The following ACACB variants were observed in gnomAD, a reference collection of about 807,000 sequenced individuals.
ACACB encodes acetyl-CoA carboxylase 2.
In ACACB, 209 loss-of-function variants were observed where a neutral mutation model predicts 278.8. The ratio of observed to expected loss-of-function variants is 0.75; its 90% CI spans 0.67 to 0.84. The LOEUF (loss-of-function observed/expected upper bound fraction) is 0.84. Among genes scored for constraint, ACACB ranks in the 40% least tolerant of loss-of-function variants. The pLI is 0.00. For missense variants in ACACB, 2,850 were observed against 3,269.0 expected (o/e 0.87, Z 3.13); for synonymous variants, 1,174 against 1,285.6 (o/e 0.91, Z 1.86).
intron 28 of ACACB, among the ~76,000 whole-genome samples, chr12:109,232,279 T>A (rs574831922): frequency 7.9e-5 from 12 of 152,164 alleles, no homozygotes; most frequent in Non-Finnish European, 1.3e-4. Context: ...AGGACTGGAG[T>A]GTCCGTCAGG....
At chr12:109,164,379 C>T (rs1250564968) in intron 2 of ACACB, among the ~76,000 whole-genome samples, 1 of 151,906 alleles carries the variant, frequency 6.6e-6, no homozygotes, top group Non-Finnish European at 1.5e-5. Flanking sequence ...ATTACAGGTG[C>T]ACAACTCTGT....
intron 2 of ACACB, 56 bp downstream of exon 2, chr12:109,140,114 A>C: frequency 1.3e-6 from 2 of 1,489,686 alleles, no homozygotes; most frequent in Non-Finnish European, 8.9e-7. Context: ...TGGGGTCCAC[A>C]CCCTTCCCAA....
intron 37 of ACACB, among the ~76,000 whole-genome samples, chr12:109,243,877 T>TTATATATATATATATATATATATA (rs145125502): frequency 6.8e-6 from 1 of 146,908 alleles, no homozygotes; most frequent in African/African-American, 2.5e-5. Flanking sequence ...TGGAATGACA[T>TTATATATATATATATATATATATA]TATATATATA....
chr12:109,132,312 G>A (rs2042849645), intron 1 of ACACB, among the ~76,000 whole-genome samples: 1 of 152,062 alleles, frequency 6.6e-6, no homozygotes, highest in Admixed American at 6.5e-5. Context: ...TTACAGGCGT[G>A]CACCACCACG....
At chr12:109,244,755 GCTGT>G (rs150556880) in intron 37 of ACACB, among the ~76,000 whole-genome samples, 2,350 of 151,940 alleles carry the variant, frequency 0.015, 51 homozygotes, top group African/African-American at 0.053. Flanking sequence ...ACCACACCCA[GCTGT>G]CTGTCTGTCT....
At chr12:109,227,261 A>G (rs2046339274) in intron 27 of ACACB, 110 bp from the exon 28 acceptor site, 1 of 950,626 alleles carries the variant, frequency 1.1e-6, no homozygotes, top group African/African-American at 1.6e-5. Flanking sequence ...GCTTACAGAT[A>G]GATATTTTAG....
intron 40 of ACACB, among the ~76,000 whole-genome samples, chr12:109,248,541 G>A (rs1315564826): frequency 5.3e-5 from 8 of 152,180 alleles, no homozygotes; most frequent in East Asian, 1.9e-4. Context: ...TCCAAAGGCC[G>A]AAGAACCTGG....
chr12:109,210,556 C>CAT (rs1449683314), intron 21 of ACACB, among the ~76,000 whole-genome samples: 1 of 147,376 alleles, frequency 6.8e-6, no homozygotes, highest in African/African-American at 2.5e-5. Flanking sequence ...TGTATATATA[C>CAT]ATATATACAT....
intron 35 of ACACB, 123 bp from the exon 36 acceptor site, chr12:109,240,955 A>G (rs2046778771): frequency 3.5e-6 from 3 of 850,278 alleles, no homozygotes; most frequent in South Asian, 3.3e-5. Context: ...TTTGTTGGAT[A>G]CACACTATGT....
At position 109,265,464 on chromosome 12, in the gene ACACB, T is replaced by A. The variant is rs138987031; in HGVS notation, c.7189T>A (p.Ser2397Thr). The stretch of plus-strand genomic sequence containing the variant: ...CTGGCAGGCAGGGGATGGCCCGCGC[T>A]CCACCATCCGTGAGAACATCACGTA... The part of the protein sequence containing the change: ...QHWQAGDGPR[S>T]TIRENITYLK... Residue 2397 changes from serine (S) to threonine (T), a missense_variant, in exon 52 of 53, where the codon TCC becomes ACC. Physicochemically the swap from Ser to Thr is moderately conservative, Grantham distance 58 (BLOSUM62 1). Transcript: ENST00000338432. 8 of 1,613,336 alleles carry A rather than the reference T, an allele frequency of 5.0e-6. No homozygotes were observed. Among genetic ancestry groups the A allele is most frequent in the Non-Finnish European group, 6.8e-6 (8 of 1,179,806 alleles).
intron 52 of ACACB, 81 bp from the exon 53 acceptor site, chr12:109,266,155 C>A: frequency 6.6e-7 from 1 of 1,526,348 alleles, no homozygotes; most frequent in East Asian, 2.4e-5. Flanking sequence ...GGGTGTGGCC[C>A]CACACAAGGA....
chr12:109,200,462 G>T (rs554929114), intron 18 of ACACB, among the ~76,000 whole-genome samples: 12 of 152,216 alleles, frequency 7.9e-5, no homozygotes, highest in Admixed American at 5.2e-4. Flanking sequence ...GGGATTGCAG[G>T]CATGAGCCAC....
chr12:109,251,915 C>G, intron 41 of ACACB, 131 bp from the exon 42 acceptor site: 1 of 587,008 alleles, frequency 1.7e-6, no homozygotes, highest in Non-Finnish European at 2.9e-6. Context: ...TGTGGTTTGG[C>G]TCCAAATCGG....
chr12:109,164,557 A>G (rs2043837215), intron 2 of ACACB, among the ~76,000 whole-genome samples: 1 of 150,448 alleles, frequency 6.6e-6, no homozygotes. Flanking sequence ...CACACAGCCA[A>G]GTGGTAAGGT....
At chr12:109,123,180 C>CAAA (rs371374660) in intron 1 of ACACB, among the ~76,000 whole-genome samples, 1 of 121,948 alleles carries the variant, frequency 8.2e-6, no homozygotes, top group Non-Finnish European at 1.7e-5. Flanking sequence ...GACTCCATCT[C>CAAA]AAAAAAAAAA....
intron 2 of ACACB, among the ~76,000 whole-genome samples, chr12:109,143,883 T>G (rs1432486436): frequency 5.9e-5 from 9 of 152,002 alleles, no homozygotes; most frequent in Non-Finnish European, 1.3e-4. Context: ...ACAACGCATA[T>G]CAAAATGAGG....
chr12:109,247,531 C>A, intron 39 of ACACB, 75 bp from the exon 40 acceptor site: 1 of 1,044,500 alleles, frequency 9.6e-7, no homozygotes, highest in Non-Finnish European at 1.5e-6. Context: ...CTACGATGTT[C>A]ACATTAAGAA....
At chr12:109,146,327 T>C (rs940963672) in intron 2 of ACACB, among the ~76,000 whole-genome samples, 4 of 152,254 alleles carry the variant, frequency 2.6e-5, no homozygotes, top group African/African-American at 9.6e-5. Flanking sequence ...TGCTCTGCCC[T>C]GGAAGGCCAC....
intron 20 of ACACB, among the ~76,000 whole-genome samples, chr12:109,207,117 G>A (rs1049960151): frequency 3.3e-5 from 5 of 152,048 alleles, no homozygotes; most frequent in South Asian, 2.1e-4. Flanking sequence ...CACCACGCCC[G>A]GCTAATTTTT....
Sources: allele counts gnomAD v4.1 joint callset (sites outside exome capture counted in the v4.1 genomes callset), GRCh38; gene constraint gnomAD v4.1.1; transcripts MANE v1.5; gene names NCBI Gene and HGNC (gene_info 2026-07-23, HGNC 2026-07-21).